CCDC7: variants seen among roughly 807,000 people sequenced by gnomAD.
The protein encoded by CCDC7 is coiled-coil domain-containing protein 7.
In CCDC7, 183 loss-of-function variants were observed where a neutral mutation model predicts 196.9. That is an observed-to-expected ratio of 0.93 (90% CI 0.82 to 1.05). The LOEUF (loss-of-function observed/expected upper bound fraction) is 1.05. Ranked by LOEUF, CCDC7 falls within the 50% of genes least tolerant of loss-of-function variation. CCDC7 has a pLI of 0.00. For synonymous variants in CCDC7, 525 were observed against 484.6 expected (o/e 1.08, Z -1.10); for missense variants, 1,540 against 1,482.2 (o/e 1.04, Z -0.64).
intron 9 of CCDC7, among the ~76,000 whole-genome samples, chr10:32,502,854 C>T (rs1019616279): frequency 6.6e-6 from 1 of 152,112 alleles, no homozygotes; most frequent in African/African-American, 2.4e-5. Flanking sequence ...GTTTTCAGTG[C>T]AAAAGATCTT....
intron 20 of CCDC7, among the ~76,000 whole-genome samples, chr10:32,651,984 T>C (rs1482367962): frequency 6.6e-6 from 1 of 152,198 alleles, no homozygotes; most frequent in African/African-American, 2.4e-5. Context: ...TCTTTGTTGA[T>C]TTTTTGTCTG....
At chr10:32,473,888 A>T in intron 7 of CCDC7, 79 bp from the exon 9 acceptor site, 1 of 1,314,680 alleles carries the variant, frequency 7.6e-7, no homozygotes, top group Non-Finnish European at 1.0e-6. Context: ...TACTAAAATT[A>T]AAACAATAAA....
At chr10:32,513,643 TTATC>T (rs1250734058) in intron 9 of CCDC7, 1 of 152,142 alleles carries the variant, frequency 6.6e-6, no homozygotes, top group Non-Finnish European at 1.5e-5. Flanking sequence ...ATAAAAAAGA[TTATC>T]TATGATGAAC....
intron 17 of CCDC7, among the ~76,000 whole-genome samples, chr10:32,583,607 T>A (rs1252276582): frequency 6.6e-6 from 1 of 152,048 alleles, no homozygotes; most frequent in East Asian, 1.9e-4. Context: ...ATTTTCATAG[T>A]TTTCAGCTTC....
intron 9 of CCDC7, among the ~76,000 whole-genome samples, chr10:32,493,311 C>T (rs1237770835): frequency 6.6e-6 from 1 of 151,602 alleles, no homozygotes; most frequent in Non-Finnish European, 1.5e-5. Flanking sequence ...TCAGTTTCAT[C>T]CATGTTGTTG....
chr10:32,508,958 G>A (rs2045652959), intron 9 of CCDC7, among the ~76,000 whole-genome samples: 1 of 95,434 alleles, frequency 1.0e-5, no homozygotes, highest in South Asian at 3.6e-4. Flanking sequence ...TTTTTGAAAT[G>A]GAGTCTTGTT....
chr10:32,842,334 A>T, intron 33 of CCDC7, among the ~76,000 whole-genome samples: 1 of 152,160 alleles, frequency 6.6e-6, no homozygotes, highest in South Asian at 2.1e-4. Flanking sequence ...CAACAAGCAT[A>T]TGGAAAAATG....
intron 28 of CCDC7, among the ~76,000 whole-genome samples, chr10:32,745,318 G>A (rs961086780): frequency 6.6e-6 from 1 of 152,140 alleles, no homozygotes; most frequent in African/African-American, 2.4e-5. Context: ...AATATCTGAG[G>A]ATGGGTAATT....
intron 28 of CCDC7, among the ~76,000 whole-genome samples, chr10:32,755,569 A>G (rs753417488): frequency 6.6e-6 from 1 of 152,166 alleles, no homozygotes; most frequent in African/African-American, 2.4e-5. Context: ...TAACAAACAG[A>G]AAGGACATCC....
intron 28 of CCDC7, among the ~76,000 whole-genome samples, chr10:32,769,724 A>T (rs2078879549): frequency 6.6e-6 from 1 of 151,690 alleles, no homozygotes; most frequent in Non-Finnish European, 1.5e-5. Context: ...GAGTGAGAAC[A>T]TGCAGTGTTT....
At chr10:32,742,059 A>G (rs2085945040) in intron 28 of CCDC7, among the ~76,000 whole-genome samples, 1 of 152,206 alleles carries the variant, frequency 6.6e-6, no homozygotes, top group African/African-American at 2.4e-5. Context: ...CATGAACAAC[A>G]TATAGTTAGA....
chr10:32,846,351 T>C (rs1329284570), intron 36 of CCDC7, 25 bp from the exon 38 acceptor site: 1 of 1,343,518 alleles, frequency 7.4e-7, no homozygotes, highest in Admixed American at 1.9e-5. Context: ...TTATAAAGTA[T>C]TTTGAAATCT....
intron 28 of CCDC7, among the ~76,000 whole-genome samples, chr10:32,771,981 GT>G (rs1392475829): frequency 6.6e-6 from 1 of 152,208 alleles, no homozygotes; most frequent in Non-Finnish European, 1.5e-5. Flanking sequence ...CTTGCCTTAT[GT>G]TGTCCAGGGT....
At chr10:32,878,393 A>AAT, downstream of CCDC7, among the ~76,000 whole-genome samples, 1 of 152,112 alleles carries the variant, frequency 6.6e-6, no homozygotes, top group Non-Finnish European at 1.5e-5. Context: ...ACCAGTCATT[A>AAT]GACTGGTTCA....
chr10:32,451,763 G>A (rs1397075835), exon 1 of CCDC7: 4 of 1,614,048 alleles, frequency 2.5e-6, no homozygotes, highest in Non-Finnish European at 3.4e-6. Flanking sequence ...AAAACATAAT[G>A]CAAAATTAAT....
intron 21 of CCDC7, among the ~76,000 whole-genome samples, chr10:32,672,073 G>C (rs904395256): frequency 6.6e-6 from 1 of 152,122 alleles, no homozygotes; most frequent in Non-Finnish European, 1.5e-5. Flanking sequence ...GGTGCCAATG[G>C]AGTGGCTGCA....
At chr10:32,616,033 C>T (rs1194549350) in intron 18 of CCDC7, among the ~76,000 whole-genome samples, 1 of 152,024 alleles carries the variant, frequency 6.6e-6, no homozygotes, top group Non-Finnish European at 1.5e-5. Context: ...TATTTTTATA[C>T]CAGCACCATG....
At chr10:32,592,769 A>G in intron 18 of CCDC7, among the ~76,000 whole-genome samples, 1 of 152,100 alleles carries the variant, frequency 6.6e-6, no homozygotes, top group South Asian at 2.1e-4. Flanking sequence ...CTCATTGTTC[A>G]GTTCCCACCT....
intron 24 of CCDC7, among the ~76,000 whole-genome samples, chr10:32,701,901 T>C (rs1444214110): frequency 3.3e-5 from 5 of 152,280 alleles, no homozygotes; most frequent in Non-Finnish European, 5.9e-5. Flanking sequence ...ATTTGATTCT[T>C]CTCTCTTTTC....
Sources: gnomAD v4.1 joint callset for allele counts (sites outside exome capture counted in the v4.1 genomes callset) on GRCh38, gnomAD v4.1.1 for gene constraint, MANE v1.5 for transcripts, NCBI Gene and HGNC (gene_info 2026-07-23, HGNC 2026-07-21) for gene names.